XPO6: variants seen among roughly 807,000 people sequenced by gnomAD.
The protein encoded by XPO6 is exportin 6, also known as exportin-6.
A neutral mutation model predicts 130.0 loss-of-function variants in XPO6; 3 were observed. The observed-to-expected ratio is 0.02, with a 90% CI of 0.01 to 0.06. The LOEUF (loss-of-function observed/expected upper bound fraction) is 0.06. Among genes scored for constraint, XPO6 ranks in the 10% least tolerant of loss-of-function variants. The pLI, the probability that XPO6 is intolerant of heterozygous loss-of-function variation, is 1.00. For synonymous variants in XPO6, 524 were observed against 548.9 expected, an observed-to-expected ratio of 0.95 and a Z score of 0.63; for missense variants, 970 against 1,393.0, an observed-to-expected ratio of 0.70 and a Z score of 4.83.
chr16:28,153,888 T>A (rs925946312), intron 7 of XPO6: 1 of 985,390 alleles, frequency 1.0e-6, no homozygotes, highest in African/African-American at 1.7e-5. Context: ...AAATAAAATG[T>A]CCCATGTTGC....
chr16:28,169,883 G>A lies in XPO6; in HGVS notation c.432C>T (p.Pro144=). 2 of 1,614,134 alleles carry A rather than the reference G, an allele frequency of 1.2e-6. No individual in the cohort carries two copies. Among genetic ancestry groups the A allele is most frequent in the African/African-American group, 1.3e-5 (1 of 75,046 alleles). The change falls in exon 5 of 24, where the codon CCC becomes CCT. Residue 144 remains proline (P), a synonymous_variant. Coordinates refer to ENST00000304658, the MANE Select transcript of XPO6 (RefSeq NM_015171.4). Reference sequence around the variant, plus strand: ...TTGTCTTCAACATGATCAGCCCAAGGGGGGTTGTCACAGGGGACTGGATCA... The same window carrying A: ...TTGTCTTCAACATGATCAGCCCAAGAGGGGTTGTCACAGGGGACTGGATCA... The part of the protein sequence containing the change: ...LQLIQSPVTT[P]LGLIMLKTTS...
rs114658206 is a variant in XPO6, at chr16:28,166,911, A to G, written c.566-326T>C. 945 of 821,808 alleles carry G rather than the reference A, an allele frequency of 1.1e-3. 10 individuals are homozygous for G. In the African/African-American group the frequency reaches 0.016, roughly 14 times the overall value. The allele number at this position is 821,808 out of a possible 1,614,324, so 50.9% of individuals were successfully genotyped here. On this transcript the variant is annotated intron_variant, in intron 5 of 23. Transcript: ENST00000304658. ...TGACCACACTGTGGCATTACAGGCC[A>G]TTGCCTAAACCCTTCTCTGAGCTGG...
Position 28,182,631 on chromosome 16 carries a change from T to C in XPO6, c.4-1600A>G, listed in dbSNP as rs547299623. ...CTTCCATATCGGTTTAACTAAAAAA[T>C]ATCCTTGGCTTGCAAGCCAAGCTGT... On this transcript the variant is annotated intron_variant, in intron 1 of 23. Coordinates refer to ENST00000304658, the MANE Select transcript of XPO6 (RefSeq NM_015171.4). 1.5e-3 allele frequency among the ~76,000 whole-genome samples: 235 copies of C among 152,320 alleles called. 1 individual carries two copies. The highest frequency in any genetic ancestry group is 0.013 in the South Asian group (64 of 4,828).
chr16:28,143,583 A>T (rs1470345227), intron 9 of XPO6, among the ~76,000 whole-genome samples: 2 of 152,220 alleles, frequency 1.3e-5, no homozygotes, highest in African/African-American at 2.4e-5. Flanking sequence ...TAATACTAAT[A>T]ATCTGCTAGT....
chr16:28,149,421 C>G (rs536668578), intron 8 of XPO6, among the ~76,000 whole-genome samples: 1 of 152,290 alleles, frequency 6.6e-6, no homozygotes, highest in African/African-American at 2.4e-5. Context: ...GACTGTTCTT[C>G]GAAATTATGT....
rs148458363 is a variant in XPO6, at chr16:28,180,355, C to T, written c.94+586G>A. The stretch of plus-strand genomic sequence containing the variant: ...CTCCAGCCTGGGCAACAGAATGAGA[C>T]GCCGTCTCAAAAACAAAACAAAAAA... On this transcript the variant is annotated intron_variant, in intron 2 of 23. Coordinates refer to ENST00000304658, the MANE Select transcript of XPO6 (RefSeq NM_015171.4). 8.5e-5 allele frequency among the ~76,000 whole-genome samples: 13 copies of T among 152,234 alleles called. No individual in the cohort carries two copies. In the East Asian group the frequency reaches 1.7e-3, roughly 20 times the overall value.
At chr16:28,156,617 T>C in intron 6 of XPO6, 90 bp from the exon 7 acceptor site, 1 of 769,820 alleles carries the variant, frequency 1.3e-6, no homozygotes, top group Non-Finnish European at 1.9e-6. Flanking sequence ...TATATATATA[T>C]ATGTATACAT....
rs756045090 is a variant in XPO6, at chr16:28,176,079, A to G, written c.224T>C (p.Met75Thr). ...LTVFENLINK[M>T]WLGVPSQDKM... ...ATCCTGAGATGGGACCCCAAGCCAC[A>G]TTTTATTGATCAGATTCTGAAAAAC... Residue 75 changes from methionine (M) to threonine (T), a missense_variant, in exon 4 of 24, where the codon ATG becomes ACG. Met to Thr is a moderately conservative substitution (Grantham distance 81, BLOSUM62 -1). This residue lies in a region of XPO6 where 936 missense variants were observed against 1,306.8 expected (regional missense o/e 0.72). Transcript: ENST00000304658. 6 of 1,614,166 alleles carry G rather than the reference A, an allele frequency of 3.7e-6. No homozygotes were observed. In the Admixed American group the frequency reaches 6.7e-5, roughly 18 times the overall value.
chr16:28,128,016 G>A (rs1203908607), intron 12 of XPO6, among the ~76,000 whole-genome samples: 5 of 152,154 alleles, frequency 3.3e-5, no homozygotes, highest in African/African-American at 9.7e-5. Flanking sequence ...CCAGCCAGAC[G>A]AACTCACGGA....
chr16:28,141,964 C>G (rs565519156), intron 9 of XPO6, among the ~76,000 whole-genome samples: 1 of 152,226 alleles, frequency 6.6e-6, no homozygotes, highest in African/African-American at 2.4e-5. Context: ...GCTCCAATTT[C>G]CAAGCTCCTA....
chr16:28,187,792 T>G (rs1395731153), intron 1 of XPO6, among the ~76,000 whole-genome samples: 1 of 151,500 alleles, frequency 6.6e-6, no homozygotes, highest in African/African-American at 2.4e-5. Context: ...GGTATCACTT[T>G]CAGTTTCTCA....
chr16:28,201,477 G>A (rs961890254), intron 1 of XPO6, among the ~76,000 whole-genome samples: 2 of 152,180 alleles, frequency 1.3e-5, no homozygotes, highest in Non-Finnish European at 2.9e-5. Flanking sequence ...CCCAGGCTTG[G>A]AGTGGGAAGG....
chr16:28,187,521 A>T (rs1332573267), intron 1 of XPO6, among the ~76,000 whole-genome samples: 1 of 151,986 alleles, frequency 6.6e-6, no homozygotes, highest in African/African-American at 2.4e-5. Flanking sequence ...TGGGGACAGT[A>T]AAAGTACCTA....
chr16:28,104,398 C>CTGAGGCTCCAAGAAATTA, intron 21 of XPO6, 148 bp downstream of exon 21: 6 of 1,066,930 alleles, frequency 5.6e-6, no homozygotes, highest in Non-Finnish European at 8.0e-6. Flanking sequence ...GATGAAGAAA[C>CTGAGGCTCCAAGAAATTA]TGAGGCTCCA....
chr16:28,191,570 T>A (rs1162943674), intron 1 of XPO6, among the ~76,000 whole-genome samples: 2 of 152,206 alleles, frequency 1.3e-5, no homozygotes, highest in Non-Finnish European at 2.9e-5. Context: ...AGTCCAATCT[T>A]GTTCTACAAT....
At chr16:28,207,995 CA>C (rs879640830) in intron 1 of XPO6, among the ~76,000 whole-genome samples, 17 of 127,732 alleles carry the variant, frequency 1.3e-4, no homozygotes, top group Admixed American at 2.6e-4. Flanking sequence ...AAATACAAAA[CA>C]AAAAAAAAAA....
intron 23 of XPO6, 112 bp from the exon 24 acceptor site, chr16:28,098,751 T>C: frequency 1.4e-6 from 1 of 710,138 alleles, no homozygotes; most frequent in East Asian, 2.9e-5. Flanking sequence ...GAGCACTTTC[T>C]AAAACTCAAA....
rs1254853684 is a variant in XPO6 at position 28,169,677 on chromosome 16, G to T, written c.565+73C>A. 1.7e-5 allele frequency: 26 copies of T among 1,563,506 alleles called. No individual in the cohort carries two copies. In the East Asian group the frequency reaches 5.4e-4, roughly 32 times the overall value. On this transcript the variant is annotated intron_variant, in intron 5 of 23. Transcript: ENST00000304658. ...ACAGCGCAAACAACTGCTCAAAGCTGCTGAGTGCCAAGGCCTGAACTCTGG... is the reference window on the plus strand; with the variant it reads ...ACAGCGCAAACAACTGCTCAAAGCTTCTGAGTGCCAAGGCCTGAACTCTGG...
chr16:28,121,549 G>T, intron 14 of XPO6, 121 bp downstream of exon 14: 1 of 792,984 alleles, frequency 1.3e-6, no homozygotes, highest in Non-Finnish European at 2.2e-6. Flanking sequence ...TAGGTTTGCA[G>T]TTTAAGAGTT....
Sources: allele counts gnomAD v4.1 joint callset (sites outside exome capture counted in the v4.1 genomes callset), GRCh38; gene constraint gnomAD v4.1.1; regional missense constraint gnomAD v4.1.1; transcripts MANE v1.5; gene names NCBI Gene and HGNC (gene_info 2026-07-23, HGNC 2026-07-21).